The following SYNE1 variants were observed in gnomAD, a reference collection of about 807,000 sequenced individuals.
SYNE1 encodes nesprin-1.
Under a neutral mutation model 1,111.0 loss-of-function variants are expected in SYNE1, and 616 were observed. That is an observed-to-expected ratio of 0.55 (90% confidence interval 0.52 to 0.59). The LOEUF (loss-of-function observed/expected upper bound fraction) is 0.59, where lower values mean the gene tolerates loss of function less well. Ranked by LOEUF, SYNE1 falls within the 20% of genes least tolerant of loss-of-function variation. The pLI is 0.00. For missense variants in SYNE1, 10,006 were observed against 10,417.0 expected (o/e 0.96, Z 1.72); for synonymous variants, 3,855 against 3,825.8 (o/e 1.01, Z -0.28).
At chr6:152,533,947 T>C (rs892244526) in intron 4 of SYNE1, among the ~76,000 whole-genome samples, 17 of 152,080 alleles carry the variant, frequency 1.1e-4, no homozygotes, top group African/African-American at 4.1e-4. Context: ...TTATTTGAGG[T>C]CAGGAGTTCA....
chr6:152,185,219 C>A (rs890296897), intron 128 of SYNE1: 2 of 152,170 alleles, frequency 1.3e-5, no homozygotes, highest in Non-Finnish European at 2.9e-5. Context: ...TTTGGGCTGT[C>A]TACTTGAAAA....
In SYNE1 at chr6:152,427,785, A is replaced by T; in HGVS notation, c.5008T>A (p.Trp1670Arg). 6.2e-7 allele frequency: 1 copy of T among 1,614,088 alleles called. No individual in the cohort carries two copies. The highest frequency in any genetic ancestry group is 1.1e-5 in the South Asian group (1 of 91,076). ...GCTTTAGCTTCACCCCGCTCTAACCAGGTCAAAAAGGATGATAGTTCTTTC... is the reference window on the plus strand; with the variant it reads ...GCTTTAGCTTCACCCCGCTCTAACCTGGTCAAAAAGGATGATAGTTCTTTC... ...LEKELSSFLT[W>R]LERGEAKASS... Residue 1670 changes from tryptophan to arginine, a missense_variant, in exon 38 of 146, where the codon TGG becomes AGG. Trp to Arg is a moderately radical substitution (Grantham distance 101, BLOSUM62 -3). Transcript: ENST00000367255.
At chr6:152,611,322 C>CAAAA (rs138835689) in intron 3 of SYNE1, among the ~76,000 whole-genome samples, 1 of 151,206 alleles carries the variant, frequency 6.6e-6, no homozygotes. Flanking sequence ...AAATGGAAAG[C>CAAAA]AAAAAAAAAG....
intron 127 of SYNE1, among the ~76,000 whole-genome samples, chr6:152,197,235 G>A (rs1447581906): frequency 6.6e-6 from 1 of 152,288 alleles, no homozygotes; most frequent in East Asian, 1.9e-4. Context: ...TAATGTGATT[G>A]CTCACCTGAT....
chr6:152,586,681 CA>C (rs2099540561), intron 3 of SYNE1, among the ~76,000 whole-genome samples: 1 of 148,956 alleles, frequency 6.7e-6, no homozygotes, highest in African/African-American at 2.5e-5. Context: ...CACACACACA[CA>C]CCACTATGAA....
At chr6:152,459,409 C>T (rs1279340924) in intron 21 of SYNE1, among the ~76,000 whole-genome samples, 1 of 152,182 alleles carries the variant, frequency 6.6e-6, no homozygotes. Context: ...CCTGTTGACT[C>T]ACTCTTCCCA....
chr6:152,484,568 G>T (rs1267706649), intron 13 of SYNE1, among the ~76,000 whole-genome samples: 1 of 152,114 alleles, frequency 6.6e-6, no homozygotes. Flanking sequence ...GATCCAGATG[G>T]TCTCAGGACT....
intron 3 of SYNE1, among the ~76,000 whole-genome samples, chr6:152,570,640 G>C (rs1018649176): frequency 2.0e-5 from 3 of 152,148 alleles, no homozygotes; most frequent in Admixed American, 2.0e-4. Context: ...GGGATGGGTG[G>C]TGTGCTGCAC....
At chr6:152,540,146 T>A in intron 3 of SYNE1, 125 bp from the exon 4 acceptor site, 1 of 966,520 alleles carries the variant, frequency 1.0e-6, no homozygotes, top group Non-Finnish European at 1.6e-6. Flanking sequence ...TTTTACCAAT[T>A]ATTGTCTTGA....
At chr6:152,286,645 G>C (rs945831729) in intron 95 of SYNE1, among the ~76,000 whole-genome samples, 1 of 152,134 alleles carries the variant, frequency 6.6e-6, no homozygotes, top group African/African-American at 2.4e-5. Context: ...TTTTCCACTA[G>C]AGTTGTTCCT....
intron 104 of SYNE1, among the ~76,000 whole-genome samples, chr6:152,254,206 C>T (rs191524007): frequency 5.0e-5 from 7 of 141,226 alleles, no homozygotes; most frequent in East Asian, 2.2e-4. Flanking sequence ...GTACTACAGT[C>T]TATGGCCCTT....
intron 8 of SYNE1, among the ~76,000 whole-genome samples, chr6:152,506,786 A>G (rs2099060523): frequency 6.6e-6 from 1 of 152,174 alleles, no homozygotes; most frequent in South Asian, 2.1e-4. Flanking sequence ...CATGTTGGCC[A>G]GGCTGGTCTC....
chr6:152,609,404 C>A (rs951082950), intron 3 of SYNE1, among the ~76,000 whole-genome samples: 2 of 152,160 alleles, frequency 1.3e-5, no homozygotes, highest in Non-Finnish European at 2.9e-5. Context: ...TGTGAGGCAG[C>A]AGCCTGGCTG....
chr6:152,501,079 A>G (rs1162770961), intron 10 of SYNE1, among the ~76,000 whole-genome samples: 23 of 152,178 alleles, frequency 1.5e-4, no homozygotes, highest in Admixed American at 1.5e-3. Flanking sequence ...TTTTTCACAC[A>G]TCTTGAAAAT....
At chr6:152,614,572 T>A (rs145544740) in intron 3 of SYNE1, among the ~76,000 whole-genome samples, 75 of 152,314 alleles carry the variant, frequency 4.9e-4, no homozygotes, top group Admixed American at 9.2e-4. Context: ...GAAGACAATG[T>A]GGCGATTCCT....
chr6:152,326,415 G>A lies in SYNE1; in HGVS notation c.15174C>T (p.Thr5058=), dbSNP rs377428273. Residue 5058 remains threonine, a synonymous_variant, in exon 79 of 146, where the codon ACC becomes ACT. Coordinates refer to ENST00000367255, the MANE Select transcript of SYNE1 (RefSeq NM_182961.4). ...NLEELHSLVA[T]LDPLIKPTGK... is the part of the protein sequence containing the mutation. ...CGGTTGGCTTGATGAGTGGGTCCAGGGTGGCTACCAGGCTGTGGAGCTCCT... is the reference window on the plus strand; with the variant it reads ...CGGTTGGCTTGATGAGTGGGTCCAGAGTGGCTACCAGGCTGTGGAGCTCCT... The A allele has an allele frequency of 4.3e-6, 7 of 1,614,036 alleles. No individual in the cohort carries two copies. The highest frequency in any genetic ancestry group is 4.0e-5 in the African/African-American group (3 of 74,912).
In SYNE1 at chr6:152,156,047, G is replaced by A. The variant is rs760917529; in HGVS notation, c.23841C>T (p.Leu7947=). Reference sequence around the variant, plus strand: ...CGTGCAGCAGGACTTCACACAGGTTGAGGACAGATGCAACACCTGTACTGT... The same window carrying A: ...CGTGCAGCAGGACTTCACACAGGTTAAGGACAGATGCAACACCTGTACTGT... ...EKHSTGVASV[L]NLCEVLLHDC... The change falls in exon 132 of 146, where the codon CTC becomes CTT. Residue 7947 remains leucine (L), a synonymous_variant. Transcript: ENST00000367255. The A allele has an allele frequency of 3.1e-6, 5 of 1,614,194 alleles. No homozygotes were observed. Among genetic ancestry groups the A allele is most frequent in the South Asian group, 2.2e-5 (2 of 91,082 alleles).
At chr6:152,354,292 A>T (rs1354545762) in intron 67 of SYNE1, among the ~76,000 whole-genome samples, 2 of 152,268 alleles carry the variant, frequency 1.3e-5, no homozygotes, top group African/African-American at 4.8e-5. Context: ...CTAAAATTGC[A>T]TAAAACTTAG....
chr6:152,374,156 T>G (rs1337892967), intron 58 of SYNE1, among the ~76,000 whole-genome samples: 1 of 152,246 alleles, frequency 6.6e-6, no homozygotes, highest in Non-Finnish European at 1.5e-5. Flanking sequence ...AATGACCTAG[T>G]GCCAAAGTGT....
Sources: allele counts gnomAD v4.1 joint callset (sites outside exome capture counted in the v4.1 genomes callset), GRCh38; gene constraint gnomAD v4.1.1; transcripts MANE v1.5; gene names NCBI Gene and HGNC (gene_info 2026-07-23, HGNC 2026-07-21).